Variants in TSPAN15 observed in about 807,000 individuals in gnomAD.
TSPAN15 encodes the protein tetraspanin 15.
In TSPAN15, 20 loss-of-function variants were observed where a neutral mutation model predicts 34.5. The observed-to-expected ratio is 0.58, with a 90% confidence interval of 0.41 to 0.84. The LOEUF is 0.84. Ranked by LOEUF, TSPAN15 falls within the 40% of genes least tolerant of loss-of-function variation. The pLI is 0.00. For missense variants in TSPAN15, 313 were observed against 386.1 expected (o/e 0.81, Z 1.59); for synonymous variants, 155 against 153.9 (o/e 1.01, Z -0.05).
chr10:69,531,842 C>G, the TSPAN15 span, among the ~76,000 whole-genome samples: 1 of 151,542 alleles, frequency 6.6e-6, no homozygotes, highest in Non-Finnish European at 1.5e-5. Context: ...AACTGGCATA[C>G]AAGGGACTTC....
chr10:69,523,636 C>A, the TSPAN15 span: 1 of 228,888 alleles, frequency 4.4e-6, no homozygotes, highest in African/African-American at 2.3e-5. Context: ...GGAAAGCTGC[C>A]CCTGGCCCAG....
At chr10:69,516,525 C>T in the TSPAN15 span, among the ~76,000 whole-genome samples, 6 of 152,092 alleles carry the variant, frequency 3.9e-5, no homozygotes, top group South Asian at 2.1e-4. Flanking sequence ...GACTTAGATG[C>T]CAGAATGAGA....
chr10:69,506,269 G>C lies in TSPAN15; in HGVS notation c.735+29G>C, dbSNP rs752897588. ...GGCAGGCCGTGGGTTCAGAGAAAGT[G>C]TGACTTGGTGATTGCAGAAGGGCAG... On this transcript the variant is annotated intron_variant, in intron 7 of 7. Transcript: ENST00000373290. This position sits in a 1 kb window ranked among gnomAD's most constrained non-coding sequence, Gnocchi z 4.7. 27 of 1,601,562 alleles carry C rather than the reference G, an allele frequency of 1.7e-5. No homozygotes were observed. The highest frequency in any genetic ancestry group is 2.3e-5 in the Non-Finnish European group (27 of 1,168,946).
chr10:69,464,425 G>C (rs1043469130), intron 1 of TSPAN15, among the ~76,000 whole-genome samples: 1 of 152,212 alleles, frequency 6.6e-6, no homozygotes, highest in Non-Finnish European at 1.5e-5. Context: ...ACTGTGGGGA[G>C]TGAGGCTTCT....
intron 1 of TSPAN15, among the ~76,000 whole-genome samples, chr10:69,466,164 T>A (rs1223858025): frequency 6.6e-6 from 1 of 152,270 alleles, no homozygotes; most frequent in Non-Finnish European, 1.5e-5. Flanking sequence ...CTTTAATTTT[T>A]ATTTTTTTGG....
At chr10:69,486,918 C>G (rs1387613769) in intron 3 of TSPAN15, among the ~76,000 whole-genome samples, 1 of 152,236 alleles carries the variant, frequency 6.6e-6, no homozygotes, top group East Asian at 1.9e-4. Context: ...CTGCCCCTCC[C>G]TTTGCCTCTT....
At chr10:69,455,178 A>G (rs113482961) in intron 1 of TSPAN15, among the ~76,000 whole-genome samples, 4,149 of 147,926 alleles carry the variant, frequency 0.028, 222 homozygotes, top group African/African-American at 0.099. Context: ...AGGAAAGGGT[A>G]GTGGTTAGTG....
At chr10:69,489,054 C>G (rs1377527636) in intron 3 of TSPAN15, among the ~76,000 whole-genome samples, 1 of 152,134 alleles carries the variant, frequency 6.6e-6, no homozygotes, top group Non-Finnish European at 1.5e-5. Flanking sequence ...TATTTCAGTC[C>G]TTATCTCAAC....
At chr10:69,470,199 A>G (rs1246987597) in intron 1 of TSPAN15, among the ~76,000 whole-genome samples, 2 of 152,132 alleles carry the variant, frequency 1.3e-5, no homozygotes, top group Non-Finnish European at 2.9e-5. Flanking sequence ...GGTTCAGGCC[A>G]CACATTTCCT....
At chr10:69,545,104 G>A in the TSPAN15 span, among the ~76,000 whole-genome samples, 1 of 152,198 alleles carries the variant, frequency 6.6e-6, no homozygotes, top group Non-Finnish European at 1.5e-5. Context: ...CTCCTGTCCT[G>A]TGGAGGCTTT....
chr10:69,526,400 AG>A, the TSPAN15 span, among the ~76,000 whole-genome samples: 1 of 148,538 alleles, frequency 6.7e-6, no homozygotes, highest in Non-Finnish European at 1.5e-5. Flanking sequence ...TATTTCCCCA[AG>A]GAAGATAAAC....
At chr10:69,462,084 G>A (rs551933097) in intron 1 of TSPAN15, among the ~76,000 whole-genome samples, 1 of 150,624 alleles carries the variant, frequency 6.6e-6, no homozygotes, top group South Asian at 2.1e-4. Flanking sequence ...GGGCTCAAGT[G>A]ATCCTCCCAC....
At position 69,506,919 on chromosome 10, in the gene TSPAN15, G is replaced by A. The variant is rs74139176; in HGVS notation, c.826G>A (p.Gly276Ser). 209 of 1,609,220 alleles carry A rather than the reference G, an allele frequency of 1.3e-4. 2 individuals are homozygous for A. In the African/African-American group the frequency reaches 1.6e-3, roughly 13 times the overall value. ...HSVTDGLLGP[G>S]AKPSVEAAGT... ...TGTCACTGATGGGCTCCTGGGGCCC[G>A]GTGCCAAGCCCAGCGTGGAGGCGGC... Residue 276 changes from glycine to serine, a missense_variant, in exon 8 of 8, where the codon GGT (glycine) becomes AGT (serine). Transcript: ENST00000373290. This position sits in a 1 kb window ranked among gnomAD's most constrained non-coding sequence, Gnocchi z 4.7.
intron 1 of TSPAN15, among the ~76,000 whole-genome samples, chr10:69,473,861 G>T (rs1031872213): frequency 2.6e-5 from 4 of 152,122 alleles, no homozygotes; most frequent in Non-Finnish European, 5.9e-5. Context: ...TCTATCCATA[G>T]TTCAGGGGCA....
intron 1 of TSPAN15, among the ~76,000 whole-genome samples, chr10:69,476,098 C>T (rs1410803158): frequency 6.6e-6 from 1 of 151,994 alleles, no homozygotes; most frequent in Non-Finnish European, 1.5e-5. Flanking sequence ...TTGATTTCCT[C>T]CCGAGACTTG....
At chr10:69,480,994 G>A (rs1268731717) in intron 1 of TSPAN15, among the ~76,000 whole-genome samples, 3 of 152,160 alleles carry the variant, frequency 2.0e-5, no homozygotes, top group African/African-American at 7.2e-5. Context: ...CACTGCGCCC[G>A]GCCTGGACTT....
At chr10:69,548,463 A>G in the TSPAN15 span, among the ~76,000 whole-genome samples, 9 of 152,260 alleles carry the variant, frequency 5.9e-5, no homozygotes, top group Non-Finnish European at 1.2e-4. Context: ...TTGACAAAAC[A>G]TATGAAATAA....
At chr10:69,458,046 T>C (rs1841152617) in intron 1 of TSPAN15, among the ~76,000 whole-genome samples, 1 of 152,182 alleles carries the variant, frequency 6.6e-6, no homozygotes, top group African/African-American at 2.4e-5. Context: ...CCACAGCAAG[T>C]CAGTGACAGG....
chr10:69,455,148 C>CAAA (rs60463263), intron 1 of TSPAN15, among the ~76,000 whole-genome samples: 13 of 82,436 alleles, frequency 1.6e-4, no homozygotes, highest in East Asian at 8.6e-4. Context: ...GTGACAGTCT[C>CAAA]AAAAAAAAAA....
Sources: gnomAD v4.1 joint callset for allele counts (sites outside exome capture counted in the v4.1 genomes callset) on GRCh38, gnomAD v4.1.1 for gene constraint, Gnocchi (gnomAD v3.1) non-coding constraint, MANE v1.5 for transcripts, NCBI Gene and HGNC (gene_info 2026-07-23, HGNC 2026-07-21) for gene names.